The following TRUB2 variants were observed in gnomAD, a reference collection of about 807,000 sequenced individuals.
The protein encoded by TRUB2 is TruB pseudouridine synthase family member 2.
TRUB2 carries 31 observed loss-of-function variants against 31.9 expected under a neutral mutation model. The ratio of observed to expected loss-of-function variants is 0.97; its 90% CI spans 0.73 to 1.31. The LOEUF (loss-of-function observed/expected upper bound fraction) is 1.31. Among genes scored for constraint, TRUB2 ranks in the 50% most tolerant of loss-of-function variants. The pLI is 0.00. For missense variants in TRUB2, 451 were observed against 439.6 expected (o/e 1.03, Z -0.23); for synonymous variants, 201 against 182.6 (o/e 1.10, Z -0.81).
intron 4 of TRUB2, among the ~76,000 whole-genome samples, 189 bp downstream of exon 4, chr9:128,315,378 C>A (rs867014443): frequency 6.6e-6 from 1 of 152,134 alleles, no homozygotes; most frequent in Non-Finnish European, 1.5e-5. Flanking sequence ...ACAGAGTAGT[C>A]GGCATACACT....
chr9:128,314,032 C>G, intron 4 of TRUB2, 143 bp from the exon 5 acceptor site: 1 of 665,054 alleles, frequency 1.5e-6, no homozygotes, highest in Middle Eastern at 2.5e-4. Context: ...GCTCCACAGC[C>G]CCAGGAGGAA....
intron 5 of TRUB2, among the ~76,000 whole-genome samples, chr9:128,312,891 C>A (rs1325665256): frequency 6.6e-6 from 1 of 151,322 alleles, no homozygotes; most frequent in Non-Finnish European, 1.5e-5. Context: ...GGATTACAGG[C>A]GTGAGCCACT....
Position 128,309,387 on chromosome 9 carries a change from C to G in TRUB2, c.*163G>C. On this transcript the variant is annotated 3_prime_UTR_variant, in exon 8 of 8. Coordinates refer to ENST00000372890, the MANE Select transcript of TRUB2 (RefSeq NM_015679.3). The stretch of plus-strand genomic sequence containing the variant: ...TCTTTTCCTCCATACAGAAGTTTTT[C>G]CTTCTCAGTTGGGTCAAGTCCATTG... The G allele has an allele frequency of 1.4e-6, 1 of 702,578 alleles. No individual in the cohort carries two copies. The allele number at this position is 702,578 out of a possible 1,614,324, so 43.5% of individuals were successfully genotyped here.
chr9:128,306,068 T>C lies in TRUB2; in HGVS notation c.*3482A>G, dbSNP rs1047307087. ...ACATTTGGTACATTTTTAACAATCG[T>C]TGATTGTTCAACTCCATCCGTCTCA... is the stretch of plus-strand genomic sequence containing the variant. On this transcript the variant is annotated 3_prime_UTR_variant, in exon 8 of 8. Transcript: ENST00000372890. 6.6e-6 allele frequency: 1 copy of C among 152,186 alleles called. No individual in the cohort carries two copies. The highest frequency in any genetic ancestry group is 2.4e-5 in the African/African-American group (1 of 41,442). 9.4% of individuals were successfully genotyped at this position (152,186 alleles called of 1,614,324 possible).
rs549533426 is a variant in TRUB2, at chr9:128,317,209, C to T, written c.259G>A (p.Ala87Thr). 5.0e-6 allele frequency: 8 copies of T among 1,594,714 alleles called. No homozygotes were observed. In the East Asian group the frequency reaches 9.0e-5, roughly 18 times the overall value. The change falls in exon 3 of 8, where the codon GCC becomes ACC. Residue 87 changes from alanine to threonine, a missense_variant. Ala to Thr is a moderately conservative substitution (Grantham distance 58). Coordinates refer to ENST00000372890, the MANE Select transcript of TRUB2 (RefSeq NM_015679.3). ...NHPLVCGPAF[A>T]HLKVGVGHRL... ...TGTCCCACGCCAACCTTGAGATGGG[C>T]GAATGCTGGTCCACATACTGGAAAG...
chr9:128,316,864 T>A, intron 3 of TRUB2: 1 of 362,040 alleles, frequency 2.8e-6, no homozygotes, highest in Admixed American at 4.4e-5. Context: ...TAAAATCATA[T>A]AGTATCTACC....
At chr9:128,320,949 C>T (rs145790787) in intron 2 of TRUB2, among the ~76,000 whole-genome samples, 414 of 152,182 alleles carry the variant, frequency 2.7e-3, no homozygotes, top group African/African-American at 9.6e-3. Flanking sequence ...CCACCACTCC[C>T]GGCTAATTTT....
At chr9:128,320,792 T>C (rs924112179) in intron 2 of TRUB2, among the ~76,000 whole-genome samples, 1 of 151,920 alleles carries the variant, frequency 6.6e-6, no homozygotes, top group African/African-American at 2.4e-5. Context: ...CATCTCTAGA[T>C]TACCTTTTTT....
intron 2 of TRUB2, among the ~76,000 whole-genome samples, chr9:128,320,884 G>C (rs1216013682): frequency 2.0e-5 from 3 of 152,054 alleles, no homozygotes; most frequent in Non-Finnish European, 4.4e-5. Context: ...CGCCTCCCGG[G>C]TTCAAGTGAT....
rs1254205397 is a variant in TRUB2 at position 128,306,666 on chromosome 9, G to A, written c.*2884C>T. The A allele has an allele frequency of 1.3e-5, 2 of 151,274 alleles. No homozygotes were observed. The highest frequency in any genetic ancestry group is 2.9e-5 in the Non-Finnish European group (2 of 67,882). The allele number at this position is 151,274 out of a possible 1,614,324, so 9.4% of individuals were successfully genotyped here. ...TTGGTCAGGCTGGTCTTGAACTCCT[G>A]ACCTCGTGATCCGCCCACCCTGGCC... is the stretch of plus-strand genomic sequence containing the variant. On this transcript the variant is annotated 3_prime_UTR_variant, in exon 8 of 8. Coordinates refer to ENST00000372890, the MANE Select transcript of TRUB2 (RefSeq NM_015679.3).
chr9:128,310,867 A>T lies in TRUB2; in HGVS notation c.670+20T>A, dbSNP rs778688846. The T allele has an allele frequency of 6.2e-7, 1 of 1,613,858 alleles. No individual in the cohort carries two copies. Among genetic ancestry groups the T allele is most frequent in the Admixed American group, 1.7e-5 (1 of 60,010 alleles). ...CCTACGGGTCCCATCTCACTGCTCCAACTTCCTTGGCCAACCTACCTAAGA... is the reference window on the plus strand; with the variant it reads ...CCTACGGGTCCCATCTCACTGCTCCTACTTCCTTGGCCAACCTACCTAAGA... On this transcript the variant is annotated intron_variant, in intron 7 of 7. Transcript: ENST00000372890.
intron 2 of TRUB2, among the ~76,000 whole-genome samples, chr9:128,317,879 T>C (rs376530572): frequency 1.3e-5 from 2 of 152,228 alleles, no homozygotes; most frequent in South Asian, 2.1e-4. Context: ...CAATACATTA[T>C]ACTTCTTATT....
chr9:128,311,452 GC>G lies in TRUB2; in HGVS notation c.533+76del. ...TCTAAAAACAAGATCCATGGAATCT[GC>G]CCCAGGTTTGGGGGAGCCTACGGGA... On this transcript the variant is annotated intron_variant, in intron 6 of 7. Coordinates refer to ENST00000372890, the MANE Select transcript of TRUB2 (RefSeq NM_015679.3). 2.1e-6 allele frequency: 3 copies of G among 1,397,614 alleles called. No individual in the cohort carries two copies. The South Asian group carries it at 3.5e-5, about 16-fold the overall frequency. The allele number at this position is 1,397,614 out of a possible 1,614,324, so 86.6% of individuals were successfully genotyped here. A position where few individuals can be genotyped will look rare whatever the true frequency, so the allele number is the denominator to read the frequency against.
At chr9:128,321,760 A>G in intron 1 of TRUB2, 30 bp from the exon 2 acceptor site, 3 of 1,595,800 alleles carry the variant, frequency 1.9e-6, no homozygotes, top group Non-Finnish European at 2.6e-6. Flanking sequence ...ATATACACAC[A>G]TACATACAAA....
At position 128,305,481 on chromosome 9, in the gene TRUB2, A is replaced by T. The variant is rs1471474336; in HGVS notation, c.*4069T>A. On this transcript the variant is annotated 3_prime_UTR_variant, in exon 8 of 8. Transcript: ENST00000372890. ...TGCAACCTCCACCTCCTGGGTTCAAATGATTCTCCCACCTCAGCCCAGATC... is the reference window on the plus strand; with the variant it reads ...TGCAACCTCCACCTCCTGGGTTCAATTGATTCTCCCACCTCAGCCCAGATC... 6.6e-6 allele frequency: 1 copy of T among 152,228 alleles called. No individual in the cohort carries two copies. The highest frequency in any genetic ancestry group is 1.5e-5 in the Non-Finnish European group (1 of 68,100). 9.4% of individuals were successfully genotyped at this position (152,228 alleles called of 1,614,324 possible). A position where few individuals can be genotyped will look rare whatever the true frequency, so the allele number is the denominator to read the frequency against.
Position 128,315,605 on chromosome 9 carries a change from T to C in TRUB2, c.340A>G (p.Arg114Gly). 4.3e-6 allele frequency: 7 copies of C among 1,613,630 alleles called. No individual in the cohort carries two copies. The South Asian group carries it at 7.7e-5, about 18-fold the overall frequency. The change falls in exon 4 of 8, where the codon AGG becomes GGG. Residue 114 changes from arginine (R) to glycine (G), a missense_variant. By Grantham distance (125) the Arg-to-Gly change is moderately radical. Coordinates refer to ENST00000372890, the MANE Select transcript of TRUB2 (RefSeq NM_015679.3). Reference sequence around the variant, plus strand: ...GCATTGTACATATCGGTGAGGAGCCTGCATCCATGTCCCACGCCGAGCACT... The same window carrying C: ...GCATTGTACATATCGGTGAGGAGCCCGCATCCATGTCCCACGCCGAGCACT... ...VLVLGVGHGC[R>G]LLTDMYNAHL... is the part of the protein sequence containing the mutation.
chr9:128,315,353 C>T (rs940262107), intron 4 of TRUB2, among the ~76,000 whole-genome samples: 1 of 152,188 alleles, frequency 6.6e-6, no homozygotes, highest in Non-Finnish European at 1.5e-5. Context: ...AAGGAATCCA[C>T]GTACAGTGCT....
In TRUB2 at chr9:128,308,054, A is replaced by T. The variant is rs961997623; in HGVS notation, c.*1496T>A. 6.6e-6 allele frequency: 1 copy of T among 151,818 alleles called. No individual in the cohort carries two copies. The highest frequency in any genetic ancestry group is 2.4e-5 in the African/African-American group (1 of 41,288). The allele number at this position is 151,818 out of a possible 1,614,324, so 9.4% of individuals were successfully genotyped here. A position where few individuals can be genotyped will look rare whatever the true frequency, so the allele number is the denominator to read the frequency against. ...AGACCAGCCTGGCCAACATGGTGAA[A>T]CCCTGTCTCTACTAAAAATACAAAA... On this transcript the variant is annotated 3_prime_UTR_variant, in exon 8 of 8. Transcript: ENST00000372890.
At chr9:128,313,475 G>A (rs1307213652) in intron 5 of TRUB2, among the ~76,000 whole-genome samples, 5 of 147,352 alleles carry the variant, frequency 3.4e-5, no homozygotes, top group African/African-American at 1.3e-4. Flanking sequence ...GGTGGTGCTT[G>A]CAGCGAGCTG....
Sources: gnomAD v4.1 joint callset for allele counts (sites outside exome capture counted in the v4.1 genomes callset) on GRCh38, gnomAD v4.1.1 for gene constraint, MANE v1.5 for transcripts, NCBI Gene and HGNC (gene_info 2026-07-23, HGNC 2026-07-21) for gene names.